The following KCTD3 variants were observed in gnomAD, a reference collection of about 807,000 sequenced individuals.
KCTD3 encodes BTB/POZ domain-containing protein KCTD3.
In KCTD3, 41 loss-of-function variants were observed where a neutral mutation model predicts 85.8. That is an observed-to-expected ratio of 0.48 (90% CI 0.37 to 0.62). The LOEUF (loss-of-function observed/expected upper bound fraction) is 0.62. Among genes scored for constraint, KCTD3 ranks in the 20% least tolerant of loss-of-function variants. KCTD3 has a pLI of 0.00. For missense variants in KCTD3, 724 were observed against 989.9 expected (o/e 0.73, Z 3.60); for synonymous variants, 338 against 345.4 (o/e 0.98, Z 0.24).
chr1:215,597,589 C>T (rs1242199111), intron 10 of KCTD3, among the ~76,000 whole-genome samples: 1 of 152,076 alleles, frequency 6.6e-6, no homozygotes, highest in Non-Finnish European at 1.5e-5. Flanking sequence ...GCCATAGTAC[C>T]ATCTGAGTGA....
rs1252152014 is a variant in KCTD3, at chr1:215,579,096, A to C, written c.494A>C (p.Gln165Pro). 9 of 1,608,766 alleles carry C rather than the reference A, an allele frequency of 5.6e-6. No individual in the cohort carries two copies. The East Asian group carries it at 1.8e-4, about 32-fold the overall frequency. Residue 165 changes from glutamine (Q) to proline (P), a missense_variant, in exon 7 of 18, where the codon CAG becomes CCG. Gln to Pro is a moderately conservative substitution (Grantham distance 76, BLOSUM62 -1). This residue lies in a region of KCTD3 where 106 missense variants were observed against 98.2 expected (regional missense o/e 1.08). Transcript: ENST00000259154. ...GGTGAAGCCCGGGGAAATGGTACAC[A>C]GCCTGTTCTCTCTGGAACGGGAGAA... ...TEGEARGNGT[Q>P]PVLSGTGEET...
At chr1:215,569,129 T>C (rs1659267477) in intron 1 of KCTD3, among the ~76,000 whole-genome samples, 1 of 150,894 alleles carries the variant, frequency 6.6e-6, no homozygotes, top group African/African-American at 2.4e-5. Flanking sequence ...AATTTTCTTT[T>C]TTTTTTTTTT....
chr1:215,615,647 TA>T lies in KCTD3; in HGVS notation c.1563-3238del, dbSNP rs370087933. Among the ~76,000 whole-genome samples, 182 of 149,436 alleles carry T rather than the reference TA, an allele frequency of 1.2e-3. 1 individual carries two copies. The highest frequency in any genetic ancestry group is 4.2e-3 in the African/African-American group (170 of 40,816). On this transcript the variant is annotated intron_variant, in intron 15 of 17. Transcript: ENST00000259154. Reference sequence around the variant, plus strand: ...GAAAAAAAAAAAAAAGAAATCTGCATAGGGGGAAAAAAGTTCAAAATTATGT... The same window carrying T: ...GAAAAAAAAAAAAAAGAAATCTGCATGGGGGAAAAAAGTTCAAAATTATGT...
At chr1:215,577,976 C>T (rs1197213059) in intron 5 of KCTD3, 25 bp from the exon 6 acceptor site, 1 of 1,604,110 alleles carries the variant, frequency 6.2e-7, no homozygotes, top group Admixed American at 1.7e-5. Flanking sequence ...GTACTCTTGA[C>T]AAGTTTGCTT....
chr1:215,620,699 C>A lies in KCTD3; in HGVS notation c.*81C>A. The A allele has an allele frequency of 2.1e-6, 2 of 948,582 alleles. No individual in the cohort carries two copies. The highest frequency in any genetic ancestry group is 3.1e-6 in the Non-Finnish European group (2 of 642,504). 58.8% of individuals were successfully genotyped at this position (948,582 alleles called of 1,614,324 possible). On this transcript the variant is annotated 3_prime_UTR_variant, in exon 18 of 18. Coordinates refer to ENST00000259154, the MANE Select transcript of KCTD3 (RefSeq NM_016121.5). ...CTGAATTTCAGTACATTAGTTTTTA[C>A]ACTAAAACTTTACAAGATAAAATTG...
chr1:215,617,972 TTGTC>T (rs1299911304), intron 15 of KCTD3: 5 of 251,796 alleles, frequency 2.0e-5, no homozygotes, highest in African/African-American at 1.1e-4. Context: ...TTATCATTCT[TTGTC>T]TGAATTGTAT....
At chr1:215,591,604 C>G (rs1558235756) in intron 9 of KCTD3, among the ~76,000 whole-genome samples, 6 of 152,170 alleles carry the variant, frequency 3.9e-5, no homozygotes. Flanking sequence ...ATCCGCCCGC[C>G]TCAGCCTCCG....
rs1449545943 is a variant in KCTD3, at chr1:215,618,997, C to A, written c.1674C>A (p.Gly558=). The A allele has an allele frequency of 6.2e-7, 1 of 1,613,670 alleles. No individual in the cohort carries two copies. Among genetic ancestry groups the A allele is most frequent in the Non-Finnish European group, 8.5e-7 (1 of 1,179,878 alleles). The change falls in exon 16 of 18, where the codon GGC becomes GGA. Residue 558 remains glycine, a synonymous_variant. Transcript: ENST00000259154. The part of the protein sequence containing the change: ...GSRPRRYLFT[G]HTNGSIQMWD... ...GACCAAGGCGCTACTTGTTCACAGG[C>A]CATACAAATGGCAGTATTCAAATGT...
At chr1:215,605,773 C>T (rs73085453) in intron 13 of KCTD3, among the ~76,000 whole-genome samples, 3,864 of 152,178 alleles carry the variant, frequency 0.025, 159 homozygotes, top group African/African-American at 0.087. Flanking sequence ...TTTCACCTCC[C>T]ACATAGTACA....
In KCTD3 at chr1:215,620,678, A is replaced by ATT; in HGVS notation, c.*62_*63dup. 2.6e-6 allele frequency: 3 copies of ATT among 1,171,666 alleles called. No homozygotes were observed. The highest frequency in any genetic ancestry group is 3.6e-6 in the Non-Finnish European group (3 of 833,254). The allele number at this position is 1,171,666 out of a possible 1,614,324, so 72.6% of individuals were successfully genotyped here. A position where few individuals can be genotyped will look rare whatever the true frequency, so the allele number is the denominator to read the frequency against. The stretch of plus-strand genomic sequence containing the variant: ...TTAGATGAAAGTTAAACTTTACTGA[A>ATT]TTTCAGTACATTAGTTTTTACACTA... On this transcript the variant is annotated 3_prime_UTR_variant, in exon 18 of 18. Coordinates refer to ENST00000259154, the MANE Select transcript of KCTD3 (RefSeq NM_016121.5).
intron 3 of KCTD3, 113 bp from the exon 4 acceptor site, chr1:215,575,788 C>A: frequency 3.3e-6 from 2 of 597,768 alleles, no homozygotes; most frequent in Non-Finnish European, 5.8e-6. Flanking sequence ...AGAGTGGAAA[C>A]AAGGAAATGT....
chr1:215,589,207 C>T (rs1660128459), intron 9 of KCTD3, among the ~76,000 whole-genome samples: 1 of 151,986 alleles, frequency 6.6e-6, no homozygotes, highest in Admixed American at 6.6e-5. Context: ...GTGATCCTAG[C>T]TCACTGCATC....
intron 8 of KCTD3, among the ~76,000 whole-genome samples, 159 bp from the exon 9 acceptor site, chr1:215,586,336 A>G (rs1660006861): frequency 1.3e-5 from 2 of 152,206 alleles, no homozygotes; most frequent in Non-Finnish European, 2.9e-5. Context: ...TAGGCAATAT[A>G]GATCAACAAA....
rs1655672627 is a variant in KCTD3 at position 215,621,144 on chromosome 1, A to G, written c.*526A>G. 1 of 153,234 alleles carries G rather than the reference A, an allele frequency of 6.5e-6. No homozygotes were observed. 9.5% of individuals were successfully genotyped at this position (153,234 alleles called of 1,614,324 possible). A position where few individuals can be genotyped will look rare whatever the true frequency, so the allele number is the denominator to read the frequency against. On this transcript the variant is annotated 3_prime_UTR_variant, in exon 18 of 18. Transcript: ENST00000259154. ...ATCATGTAATTCAAAAACACTATTG[A>G]TATTGAATACCAGATACCACTATGT...
chr1:215,597,674 G>A (rs576337025), intron 10 of KCTD3, among the ~76,000 whole-genome samples: 74 of 152,270 alleles, frequency 4.9e-4, no homozygotes, highest in African/African-American at 1.7e-3. Context: ...AGAATTCAAA[G>A]TGAATTTCTG....
chr1:215,612,398 C>A (rs187508352), intron 15 of KCTD3, among the ~76,000 whole-genome samples: 2 of 151,678 alleles, frequency 1.3e-5, no homozygotes, highest in African/African-American at 4.8e-5. Context: ...TACAACATAG[C>A]ACACATTTTT....
intron 9 of KCTD3, among the ~76,000 whole-genome samples, chr1:215,587,799 T>C (rs1340183502): frequency 6.6e-6 from 1 of 152,270 alleles, no homozygotes; most frequent in Non-Finnish European, 1.5e-5. Flanking sequence ...GAACTTTTCA[T>C]ATTCTGTTAA....
At chr1:215,609,245 G>A (rs751725763) in intron 14 of KCTD3, among the ~76,000 whole-genome samples, 3 of 151,972 alleles carry the variant, frequency 2.0e-5, no homozygotes, top group Non-Finnish European at 4.4e-5. Flanking sequence ...ACTGATACAT[G>A]AAGGATAGAC....
chr1:215,609,976 G>A (rs1655167077), intron 14 of KCTD3, among the ~76,000 whole-genome samples: 4 of 151,864 alleles, frequency 2.6e-5, no homozygotes, highest in Admixed American at 2.6e-4. Flanking sequence ...TATTGTTCAG[G>A]GAGAGCATGT....
Sources: gnomAD v4.1 joint callset for allele counts (sites outside exome capture counted in the v4.1 genomes callset) on GRCh38, gnomAD v4.1.1 for gene constraint, gnomAD v4.1.1 regional missense constraint, MANE v1.5 for transcripts, NCBI Gene and HGNC (gene_info 2026-07-23, HGNC 2026-07-21) for gene names.